COL4A3: variants seen among roughly 807,000 people sequenced by gnomAD.
The protein encoded by COL4A3 is collagen alpha-3(IV) chain.
In COL4A3, 135 loss-of-function variants were observed where a neutral mutation model predicts 217.4. The observed-to-expected ratio is 0.62, with a 90% CI of 0.54 to 0.72. COL4A3 has a LOEUF of 0.72. Ranked by LOEUF, COL4A3 falls within the 30% of genes least tolerant of loss-of-function variation. The pLI is 0.00. For missense variants in COL4A3, 1,868 were observed against 2,119.9 expected, an observed-to-expected ratio of 0.88 and a Z score of 2.33; for synonymous variants, 690 against 736.3, an observed-to-expected ratio of 0.94 and a Z score of 1.02.
At chr2:227,309,499 A>C (rs2073656773) in intron 50 of COL4A3, among the ~76,000 whole-genome samples, 181 bp downstream of exon 50, 1 of 152,000 alleles carries the variant, frequency 6.6e-6, no homozygotes, top group African/African-American at 2.4e-5. Flanking sequence ...TAAATAATGG[A>C]GTACTAAAAA....
chr2:227,254,062 GA>G (rs1368586771), intron 13 of COL4A3, 49 bp from the exon 14 acceptor site: 1 of 1,532,420 alleles, frequency 6.5e-7, no homozygotes, highest in South Asian at 1.1e-5. Context: ...TTGAATCAGT[GA>G]AATCTCATTT....
chr2:227,236,670 C>T (rs10460337), intron 1 of COL4A3, among the ~76,000 whole-genome samples: 114,172 of 144,976 alleles, frequency 0.79, 43,836 homozygotes, highest in East Asian at 0.83. Flanking sequence ...CACATTTTTT[C>T]TTTTTTTGAG....
rs2073850090 is a variant in COL4A3 at position 227,314,746 on chromosome 2, ATAT to A, written c.*2881_*2883del. ...TAATATTTCTGTAATTATATCTAAAATATTATTTTATTATATTGCCTAAGAATA... is the reference window on the plus strand; with the variant it reads ...TAATATTTCTGTAATTATATCTAAAATATTTTATTATATTGCCTAAGAATA... On this transcript the variant is annotated 3_prime_UTR_variant, in exon 52 of 52. Coordinates refer to ENST00000396578, the MANE Select transcript of COL4A3 (RefSeq NM_000091.5). 6.6e-6 allele frequency: 1 copy of A among 151,930 alleles called. No individual in the cohort carries two copies. Among genetic ancestry groups the A allele is most frequent in the Admixed American group, 6.6e-5 (1 of 15,256 alleles). The allele number at this position is 151,930 out of a possible 1,614,324, so 9.4% of individuals were successfully genotyped here.
At chr2:227,311,033 C>T (rs2073721827) in intron 51 of COL4A3, 85 bp downstream of exon 51, 5 of 1,472,176 alleles carry the variant, frequency 3.4e-6, no homozygotes, top group Non-Finnish European at 4.7e-6. Flanking sequence ...CAACGAGTAG[C>T]CATGATTTTG....
At chr2:227,246,572 G>A (rs1226493011) in intron 6 of COL4A3, 113 bp from the exon 7 acceptor site, 2 of 835,394 alleles carry the variant, frequency 2.4e-6, no homozygotes, top group South Asian at 1.4e-5. Context: ...AGGAATTCGG[G>A]TTACTTTGTC....
At chr2:227,174,185 A>G (rs768705132) in intron 1 of COL4A3, among the ~76,000 whole-genome samples, 7 of 152,228 alleles carry the variant, frequency 4.6e-5, no homozygotes, top group Non-Finnish European at 8.8e-5. Flanking sequence ...TTTGACAAGC[A>G]TTGTAATTTT....
intron 1 of COL4A3, among the ~76,000 whole-genome samples, chr2:227,229,539 G>A (rs977352997): frequency 6.6e-6 from 1 of 152,162 alleles, no homozygotes; most frequent in Admixed American, 6.5e-5. Flanking sequence ...GAGGAAGGTG[G>A]CTAGTGCAGA....
chr2:227,294,199 C>G, intron 38 of COL4A3: 1 of 392,766 alleles, frequency 2.5e-6, no homozygotes, highest in Non-Finnish European at 4.7e-6. Flanking sequence ...TGTTCAAATA[C>G]AGAAAGTTTC....
rs2069982573 is a variant in COL4A3 at position 227,254,095 on chromosome 2, A to C, written c.766-17A>C. 1 of 1,611,592 alleles carries C rather than the reference A, an allele frequency of 6.2e-7. No individual in the cohort carries two copies. Among genetic ancestry groups the C allele is most frequent in the African/African-American group, 1.3e-5 (1 of 74,788 alleles). On this transcript the variant is annotated splice_polypyrimidine_tract_variant and intron_variant, in intron 13 of 51. Transcript: ENST00000396578. Reference sequence around the variant, plus strand: ...ATTTCATCCATTTGTAACAATGTTGAACTGTTTCTTTGGCAGGACCTCAAG... The same window carrying C: ...ATTTCATCCATTTGTAACAATGTTGCACTGTTTCTTTGGCAGGACCTCAAG...
intron 18 of COL4A3, among the ~76,000 whole-genome samples, chr2:227,258,773 A>G (rs2070357973): frequency 6.6e-6 from 1 of 152,194 alleles, no homozygotes. Context: ...GTTCCTAAAT[A>G]CTTTAGTGGA....
intron 20 of COL4A3, among the ~76,000 whole-genome samples, chr2:227,262,231 G>A (rs1020896795): frequency 6.6e-6 from 1 of 152,044 alleles, no homozygotes; most frequent in Non-Finnish European, 1.5e-5. Flanking sequence ...CAGTTAGAAT[G>A]GGGCAAAAAG....
At chr2:227,169,286 A>G (rs1438641057) in intron 1 of COL4A3, 1 of 151,264 alleles carries the variant, frequency 6.6e-6, no homozygotes, top group Non-Finnish European at 1.5e-5. Context: ...AATCCAGTCT[A>G]TCGTTGTTGG....
chr2:227,167,642 G>C (rs965325198), intron 1 of COL4A3, among the ~76,000 whole-genome samples: 1 of 152,168 alleles, frequency 6.6e-6, no homozygotes, highest in African/African-American at 2.4e-5. Context: ...CCTACATTTG[G>C]GGAGGATGCC....
At chr2:227,186,750 A>G (rs2125689388) in intron 1 of COL4A3, among the ~76,000 whole-genome samples, 1 of 152,258 alleles carries the variant, frequency 6.6e-6, no homozygotes, top group Non-Finnish European at 1.5e-5. Context: ...AAGAATAGAA[A>G]AGGTTTTTGT....
At chr2:227,302,915 G>T in intron 43 of COL4A3, 123 bp from the exon 44 acceptor site, 1 of 692,992 alleles carries the variant, frequency 1.4e-6, no homozygotes, top group Non-Finnish European at 2.6e-6. Context: ...AATGATGTCT[G>T]CTAACTTCAG....
intron 50 of COL4A3, among the ~76,000 whole-genome samples, chr2:227,309,560 A>G (rs1050818117): frequency 1.3e-5 from 2 of 152,128 alleles, no homozygotes; most frequent in Non-Finnish European, 2.9e-5. Flanking sequence ...AATTTAGGTG[A>G]ATAGTAGCTG....
chr2:227,297,949 C>A, intron 42 of COL4A3, 90 bp downstream of exon 42: 3 of 1,390,852 alleles, frequency 2.2e-6, no homozygotes, highest in Non-Finnish European at 3.0e-6. Flanking sequence ...TACCTTGTTG[C>A]TTCTTCTTTC....
At chr2:227,170,817 G>A (rs2065449790) in intron 1 of COL4A3, among the ~76,000 whole-genome samples, 1 of 152,136 alleles carries the variant, frequency 6.6e-6, no homozygotes, top group Non-Finnish European at 1.5e-5. Context: ...TCAGTTTAGG[G>A]AGTTTCACTC....
intron 14 of COL4A3, 54 bp downstream of exon 14, chr2:227,254,228 A>AAGGC: frequency 6.9e-7 from 1 of 1,455,444 alleles, no homozygotes. Flanking sequence ...GAGCCTTAGT[A>AAGGC]TTTACTTTGA....
Sources: gnomAD v4.1 joint callset for allele counts (sites outside exome capture counted in the v4.1 genomes callset) on GRCh38, gnomAD v4.1.1 for gene constraint, MANE v1.5 for transcripts, NCBI Gene and HGNC (gene_info 2026-07-23, HGNC 2026-07-21) for gene names.